AVEN: variants seen among roughly 807,000 people sequenced by gnomAD.
The protein encoded by AVEN is apoptosis and caspase activation inhibitor.
AVEN carries 41 observed loss-of-function variants against 38.1 expected under a neutral mutation model. The ratio of observed to expected loss-of-function variants is 1.08; its 90% CI spans 0.84 to 1.40. The LOEUF (loss-of-function observed/expected upper bound fraction) is 1.40, where lower values mean the gene tolerates loss of function less well. Among genes scored for constraint, AVEN ranks in the 40% most tolerant of loss-of-function variants. The pLI, the probability that AVEN is intolerant of heterozygous loss-of-function variation, is 0.00. For synonymous variants in AVEN, 206 were observed against 171.8 expected (o/e 1.20, Z -1.56); for missense variants, 605 against 438.8 (o/e 1.38, Z -3.38).
intron 4 of AVEN, among the ~76,000 whole-genome samples, chr15:33,870,286 T>C (rs1890883478): frequency 2.6e-5 from 4 of 152,200 alleles, no homozygotes; most frequent in Admixed American, 2.6e-4. Context: ...TGCATGTGTA[T>C]GTGCACATGC....
downstream of AVEN, chr15:33,854,964 A>G: frequency 6.6e-7 from 1 of 1,518,820 alleles, no homozygotes. Context: ...GCACAGGAAA[A>G]AAAGAACAGC....
At chr15:34,055,693 C>T (rs1900115905) in intron 5 of AVEN, among the ~76,000 whole-genome samples, 1 of 151,800 alleles carries the variant, frequency 6.6e-6, no homozygotes. Context: ...CCCAGCTACT[C>T]AGGAGGCTGA....
At chr15:33,875,226 G>C (rs2153035931) in intron 3 of AVEN, among the ~76,000 whole-genome samples, 1 of 152,314 alleles carries the variant, frequency 6.6e-6, no homozygotes, top group South Asian at 2.1e-4. Flanking sequence ...GCTGGGGGCA[G>C]ATGGTAATCA....
At chr15:33,890,540 G>C (rs924867407) in intron 2 of AVEN, among the ~76,000 whole-genome samples, 4 of 152,140 alleles carry the variant, frequency 2.6e-5, no homozygotes, top group African/African-American at 7.2e-5. Context: ...CTTTCATGAA[G>C]CTTGCCAAAA....
At chr15:33,871,774 C>CAAAAAAAAAAAAAAAAAAAAAAA (rs55793582) in intron 3 of AVEN, among the ~76,000 whole-genome samples, 10 of 91,600 alleles carry the variant, frequency 1.1e-4, no homozygotes, top group Admixed American at 2.4e-4. Context: ...CTAGTCTCCT[C>CAAAAAAAAAAAAAAAAAAAAAAA]AAAAAAAAAA....
intron 2 of AVEN, among the ~76,000 whole-genome samples, chr15:33,917,351 G>GGTT (rs1555506892): frequency 5.0e-5 from 7 of 140,356 alleles, no homozygotes; most frequent in African/African-American, 1.0e-4. Context: ...AAGAAAATGT[G>GGTT]GTGTGTGTGT....
chr15:33,887,144 C>T (rs1231917599), intron 2 of AVEN, among the ~76,000 whole-genome samples: 1 of 151,972 alleles, frequency 6.6e-6, no homozygotes, highest in East Asian at 1.9e-4. Context: ...GCCATGAGTC[C>T]AGATAAGAAT....
At chr15:34,064,465 A>G (rs1388143223) in intron 4 of AVEN, 1 of 928,532 alleles carries the variant, frequency 1.1e-6, no homozygotes, top group Non-Finnish European at 1.6e-6. Flanking sequence ...TTTGGTTGCC[A>G]AATGGAAGGG....
At chr15:33,866,221 G>A (rs144328111), downstream of AVEN, 3 of 182,916 alleles carry the variant, frequency 1.6e-5, no homozygotes, top group East Asian at 2.9e-4. Flanking sequence ...GAAAGGAAAG[G>A]AAAACTGGAC....
chr15:33,950,512 G>T (rs2140448651), intron 2 of AVEN, among the ~76,000 whole-genome samples: 1 of 152,204 alleles, frequency 6.6e-6, no homozygotes, highest in Non-Finnish European at 1.5e-5. Flanking sequence ...AAAAAAGAAA[G>T]ACATCAAGGA....
In AVEN at chr15:33,867,863, A is replaced by G; in HGVS notation, c.613-8T>C. The G allele has an allele frequency of 1.3e-6, 2 of 1,553,378 alleles. No individual in the cohort carries two copies. The highest frequency in any genetic ancestry group is 1.7e-6 in the Non-Finnish European group (2 of 1,155,728). ...CTCTAAAGGAACTGTACCCTGAAAGAGAAGTATAAAAACTGAGTTAAAAAT... is the reference window on the plus strand; with the variant it reads ...CTCTAAAGGAACTGTACCCTGAAAGGGAAGTATAAAAACTGAGTTAAAAAT... On this transcript the variant is annotated splice_polypyrimidine_tract_variant and splice_region_variant and intron_variant, in intron 4 of 5. Transcript: ENST00000306730.
At chr15:34,049,668 GA>G (rs1225530061) in intron 5 of AVEN, among the ~76,000 whole-genome samples, 1 of 151,882 alleles carries the variant, frequency 6.6e-6, no homozygotes, top group African/African-American at 2.4e-5. Flanking sequence ...CGTTCAAATT[GA>G]AAAAATGCAG....
At chr15:33,927,422 A>G (rs766165216) in intron 2 of AVEN, among the ~76,000 whole-genome samples, 2 of 152,192 alleles carry the variant, frequency 1.3e-5, no homozygotes. Context: ...AATAATAATG[A>G]TAGTTAATTC....
At chr15:34,073,207 ATTT>A (rs761265891) in intron 1 of AVEN, among the ~76,000 whole-genome samples, 6 of 111,844 alleles carry the variant, frequency 5.4e-5, no homozygotes, top group South Asian at 3.1e-4. Context: ...CGCCCGGCTA[ATTT>A]TTTTTTTTTT....
intron 2 of AVEN, among the ~76,000 whole-genome samples, chr15:33,944,936 C>T (rs1366206573): frequency 6.6e-6 from 1 of 152,124 alleles, no homozygotes; most frequent in Non-Finnish European, 1.5e-5. Context: ...GCTTGGCATA[C>T]CAGGCACGGA....
At chr15:33,884,396 A>T (rs1405514211) in intron 2 of AVEN, among the ~76,000 whole-genome samples, 2 of 152,172 alleles carry the variant, frequency 1.3e-5, no homozygotes, top group African/African-American at 4.8e-5. Context: ...TGCCTATAGT[A>T]CTTTTAAAAA....
intron 2 of AVEN, among the ~76,000 whole-genome samples, chr15:33,879,465 A>G (rs1219665372): frequency 6.6e-6 from 1 of 151,286 alleles, no homozygotes; most frequent in Non-Finnish European, 1.5e-5. Flanking sequence ...TGACGAGTTA[A>G]TGGGTGCAGC....
chr15:33,908,910 G>A (rs1327286205), intron 2 of AVEN, among the ~76,000 whole-genome samples: 1 of 152,178 alleles, frequency 6.6e-6, no homozygotes, highest in African/African-American at 2.4e-5. Context: ...GTGGTCTAGA[G>A]CGACAAAGCT....
upstream of AVEN, among the ~76,000 whole-genome samples, chr15:34,040,003 TAATG>T (rs1446057213): frequency 6.6e-6 from 1 of 152,084 alleles, no homozygotes; most frequent in African/African-American, 2.4e-5. Flanking sequence ...CACCTGAAAA[TAATG>T]AAAGCAAGGG....
Sources: allele counts gnomAD v4.1 joint callset (sites outside exome capture counted in the v4.1 genomes callset), GRCh38; gene constraint gnomAD v4.1.1; transcripts MANE v1.5; gene names NCBI Gene and HGNC (gene_info 2026-07-23, HGNC 2026-07-21).